Variants in CEP70 observed in about 807,000 individuals in gnomAD.
The protein encoded by CEP70 is centrosomal protein of 70 kDa.
A neutral mutation model predicts 90.9 loss-of-function variants in CEP70; 70 were observed. That is an observed-to-expected ratio of 0.77 (90% CI 0.64 to 0.94). The LOEUF (loss-of-function observed/expected upper bound fraction) is 0.94. Ranked by LOEUF, CEP70 falls within the 40% of genes least tolerant of loss-of-function variation. CEP70 has a pLI of 0.00. For synonymous variants in CEP70, 220 were observed against 228.3 expected (o/e 0.96, Z 0.33); for missense variants, 648 against 669.0 (o/e 0.97, Z 0.35).
chr3:138,500,209 A>G lies in CEP70; in HGVS notation c.1553T>C (p.Leu518Ser). 1 of 1,610,496 alleles carries G rather than the reference A, an allele frequency of 6.2e-7. No individual in the cohort carries two copies. Among genetic ancestry groups the G allele is most frequent in the Non-Finnish European group, 8.5e-7 (1 of 1,176,744 alleles). The stretch of plus-strand genomic sequence containing the variant: ...TCCAACAGTGCTTACTAGCACACAC[A>G]ATGAGGATGAACTATCTGCAAAAGA... ...ELLELDSSSS[L>S]CVLVSTVGKL... is the part of the protein sequence containing the mutation. The change falls in exon 16 of 18, where the codon TTG becomes TCG. Residue 518 changes from leucine (L) to serine (S), a missense_variant. By Grantham distance (145) the Leu-to-Ser change is moderately radical. Coordinates refer to ENST00000264982, the MANE Select transcript of CEP70 (RefSeq NM_024491.4).
At chr3:138,513,708 T>C (rs2035741659) in intron 11 of CEP70, among the ~76,000 whole-genome samples, 1 of 152,226 alleles carries the variant, frequency 6.6e-6, no homozygotes, top group Non-Finnish European at 1.5e-5. Context: ...GACTGTCAGC[T>C]CAACACAGAG....
intron 12 of CEP70, 139 bp downstream of exon 12, chr3:138,508,300 G>A (rs934996029): frequency 2.4e-5 from 15 of 634,606 alleles, no homozygotes; most frequent in Middle Eastern, 4.0e-4. Context: ...GTTATGTCAC[G>A]GAAAGACAAG....
rs139747323 is a variant in CEP70 at position 138,549,649 on chromosome 3, A to G, written c.466-12302T>C. ...TCTGCTCTGGTAGCTGAAGACAAAG[A>G]GCATATTCTCTTCGGAGTTCTAGGG... On this transcript the variant is annotated intron_variant, in intron 6 of 17. Transcript: ENST00000264982. Among the ~76,000 whole-genome samples, 853 of 152,132 alleles carry G rather than the reference A, an allele frequency of 5.6e-3. 7 individuals carry two copies. Among genetic ancestry groups the G allele is most frequent in the African/African-American group, 0.02 (821 of 41,494 alleles).
intron 7 of CEP70, among the ~76,000 whole-genome samples, chr3:138,534,929 T>G (rs375769474): frequency 6.6e-6 from 1 of 152,144 alleles, no homozygotes; most frequent in East Asian, 1.9e-4. Context: ...GTCTCTCCCT[T>G]TTTTTTGGTC....
Position 138,494,838 on chromosome 3 carries a change from T to G in CEP70, c.*177A>C. ...ACCTTACCCTTGCAACTATTTTCTG[T>G]ATAAGAATCTCAAAGTTAATAAAAA... On this transcript the variant is annotated 3_prime_UTR_variant, in exon 18 of 18. Coordinates refer to ENST00000264982, the MANE Select transcript of CEP70 (RefSeq NM_024491.4). 2.0e-6 allele frequency: 1 copy of G among 490,490 alleles called. No homozygotes were observed. Among genetic ancestry groups the G allele is most frequent in the Non-Finnish European group, 3.6e-6 (1 of 274,806 alleles). The allele number at this position is 490,490 out of a possible 1,614,324, so 30.4% of individuals were successfully genotyped here.
At chr3:138,500,678 A>G (rs2034424627) in intron 14 of CEP70, 57 bp downstream of exon 14, 1 of 1,505,104 alleles carries the variant, frequency 6.6e-7, no homozygotes, top group Non-Finnish European at 8.9e-7. Context: ...AATATCCACA[A>G]TTTATCAGTT....
chr3:138,508,785 G>A (rs1407764105), intron 11 of CEP70, among the ~76,000 whole-genome samples: 1 of 151,302 alleles, frequency 6.6e-6, no homozygotes, highest in Non-Finnish European at 1.5e-5. Context: ...CCAGGCTGGA[G>A]TGCAGTGGCG....
chr3:138,552,257 G>C (rs1046726210), intron 6 of CEP70, among the ~76,000 whole-genome samples: 1 of 152,138 alleles, frequency 6.6e-6, no homozygotes, highest in African/African-American at 2.4e-5. Context: ...GACAGCACTA[G>C]ACAGGTCATC....
At chr3:138,543,609 C>T (rs1455454858) in intron 6 of CEP70, among the ~76,000 whole-genome samples, 1 of 152,214 alleles carries the variant, frequency 6.6e-6, no homozygotes, top group Non-Finnish European at 1.5e-5. Flanking sequence ...ATCACCTGTT[C>T]CTAGCCCCTG....
At chr3:138,547,262 T>C (rs2039282285) in intron 6 of CEP70, among the ~76,000 whole-genome samples, 1 of 152,202 alleles carries the variant, frequency 6.6e-6, no homozygotes, top group Non-Finnish European at 1.5e-5. Flanking sequence ...AATACAGTAG[T>C]CCTCCTTATC....
intron 17 of CEP70, chr3:138,496,723 T>C: frequency 3.0e-6 from 3 of 985,444 alleles, no homozygotes; most frequent in Non-Finnish European, 3.6e-6. Flanking sequence ...ACTGTCATGT[T>C]TGCCAGATTT....
chr3:138,527,687 T>C (rs1361969900), intron 10 of CEP70, among the ~76,000 whole-genome samples: 3 of 111,264 alleles, frequency 2.7e-5, no homozygotes, highest in African/African-American at 1.2e-4. Context: ...AGAGCAAGAC[T>C]CCGTCTCAAA....
intron 11 of CEP70, among the ~76,000 whole-genome samples, chr3:138,516,759 T>C (rs1173373763): frequency 1.3e-5 from 2 of 152,168 alleles, no homozygotes; most frequent in East Asian, 1.9e-4. Flanking sequence ...TGTGTTGCCA[T>C]AGGAAGGAGG....
intron 6 of CEP70, among the ~76,000 whole-genome samples, chr3:138,548,859 A>C (rs1220067362): frequency 6.6e-6 from 1 of 152,200 alleles, no homozygotes; most frequent in African/African-American, 2.4e-5. Flanking sequence ...AGGACCTAGG[A>C]GACACCCCAA....
At chr3:138,564,432 G>A (rs1437981425) in intron 6 of CEP70, among the ~76,000 whole-genome samples, 3 of 152,064 alleles carry the variant, frequency 2.0e-5, no homozygotes, top group East Asian at 1.9e-4. Flanking sequence ...GATGAACATC[G>A]ATGTGAAAAT....
intron 10 of CEP70, among the ~76,000 whole-genome samples, chr3:138,526,055 AATC>A (rs2037214051): frequency 1.3e-5 from 2 of 152,332 alleles, no homozygotes; most frequent in South Asian, 4.1e-4. Flanking sequence ...ATATTTATAT[AATC>A]ATAAATTTAC....
intron 11 of CEP70, among the ~76,000 whole-genome samples, chr3:138,525,035 C>G (rs958393322): frequency 6.6e-6 from 1 of 152,088 alleles, no homozygotes. Flanking sequence ...CAATGATAGA[C>G]TGGATTAAGA....
intron 2 of CEP70, among the ~76,000 whole-genome samples, chr3:138,573,595 A>G (rs2041328209): frequency 1.3e-5 from 2 of 152,102 alleles, no homozygotes; most frequent in Admixed American, 6.5e-5. Flanking sequence ...AAAATTCTAA[A>G]GAAGCTGCTT....
chr3:138,580,353 G>C (rs759180530), intron 2 of CEP70, among the ~76,000 whole-genome samples: 2 of 152,128 alleles, frequency 1.3e-5, no homozygotes, highest in Non-Finnish European at 2.9e-5. Context: ...GAAAGCAAGG[G>C]AAGACAAGAG....
Sources: allele counts gnomAD v4.1 joint callset (sites outside exome capture counted in the v4.1 genomes callset), GRCh38; gene constraint gnomAD v4.1.1; transcripts MANE v1.5; gene names NCBI Gene and HGNC (gene_info 2026-07-23, HGNC 2026-07-21).